CAMK1G: variants seen among roughly 807,000 people sequenced by gnomAD.
CAMK1G encodes calcium/calmodulin dependent protein kinase IG, also known as calcium/calmodulin-dependent protein kinase type 1G.
In CAMK1G, 27 loss-of-function variants were observed where a neutral mutation model predicts 54.8. That is an observed-to-expected ratio of 0.49 (90% CI 0.36 to 0.68). CAMK1G has a LOEUF of 0.68. Ranked by LOEUF, CAMK1G falls within the 30% of genes least tolerant of loss-of-function variation. The pLI is 0.00. For missense variants in CAMK1G, 512 were observed against 591.0 expected (o/e 0.87, Z 1.39); for synonymous variants, 238 against 224.9 (o/e 1.06, Z -0.52).
chr1:209,612,063 C>T lies in CAMK1G; in HGVS notation c.1187C>T (p.Ser396Phe). ...TCCCTCAACTGCCTGGTCAATGGCT[C>T]CCTCCACATCAGCAGCAGCCTGGTG... Reference protein sequence around the residue: ...GRSLNCLVNGSLHISSSLVPM... With the variant: ...GRSLNCLVNGFLHISSSLVPM... Residue 396 changes from serine (S) to phenylalanine (F), a missense_variant, in exon 11 of 13, where the codon TCC becomes TTC. Physicochemically the swap from Ser to Phe is radical, Grantham distance 155. Around this residue, in one of 3 missense-constraint regions of CAMK1G, gnomAD observed 315 missense variants for 330.5 expected, o/e 0.95. Transcript: ENST00000361322. The T allele has an allele frequency of 6.2e-7, 1 of 1,614,266 alleles. No individual in the cohort carries two copies. The highest frequency in any genetic ancestry group is 1.6e-4 in the Middle Eastern group (1 of 6,062).
intron 1 of CAMK1G, among the ~76,000 whole-genome samples, chr1:209,588,733 G>A (rs1482563810): frequency 6.6e-6 from 1 of 152,230 alleles, no homozygotes; most frequent in Non-Finnish European, 1.5e-5. Context: ...TCTCGGGCTA[G>A]TGGTGCTCCC....
chr1:209,595,813 GT>G (rs1328984301), intron 2 of CAMK1G, among the ~76,000 whole-genome samples: 12 of 152,194 alleles, frequency 7.9e-5, no homozygotes, highest in Admixed American at 7.2e-4. Context: ...CCTGCAGGGT[GT>G]CTGAACCTGC....
At chr1:209,609,990 C>G in intron 9 of CAMK1G, 61 bp downstream of exon 9, 2 of 1,317,992 alleles carry the variant, frequency 1.5e-6, no homozygotes, top group Non-Finnish European at 2.2e-6. Context: ...ACCATGCTGA[C>G]TCATTCATAT....
At chr1:209,611,370 C>T (rs1161774108) in intron 9 of CAMK1G, 95 bp from the exon 10 acceptor site, 3 of 1,075,260 alleles carry the variant, frequency 2.8e-6, no homozygotes, top group Non-Finnish European at 4.2e-6. Flanking sequence ...GCACACTCTA[C>T]CCAGCTCTCA....
chr1:209,603,515 T>G (rs1157577914), intron 4 of CAMK1G, among the ~76,000 whole-genome samples: 2 of 152,150 alleles, frequency 1.3e-5, no homozygotes, highest in Admixed American at 1.3e-4. Context: ...TTAAGCTCCT[T>G]TGCACCAGGA....
intron 1 of CAMK1G, among the ~76,000 whole-genome samples, chr1:209,593,021 T>G (rs564670301): frequency 1.3e-5 from 2 of 152,362 alleles, no homozygotes; most frequent in South Asian, 2.1e-4. Flanking sequence ...AAGAAACAAC[T>G]GTTTATCATG....
intron 1 of CAMK1G, among the ~76,000 whole-genome samples, chr1:209,585,696 A>G (rs955609119): frequency 6.6e-6 from 1 of 152,236 alleles, no homozygotes; most frequent in Admixed American, 6.5e-5. Context: ...CTGGAAGTGA[A>G]AAAGCATCCC....
At chr1:209,590,599 A>T (rs1665220952) in intron 1 of CAMK1G, among the ~76,000 whole-genome samples, 1 of 152,228 alleles carries the variant, frequency 6.6e-6, no homozygotes, top group African/African-American at 2.4e-5. Flanking sequence ...AGCCTCCTGG[A>T]GAACAGGCCG....
intron 5 of CAMK1G, 68 bp from the exon 6 acceptor site, chr1:209,606,252 T>C: frequency 6.3e-7 from 1 of 1,577,674 alleles, no homozygotes; most frequent in Non-Finnish European, 8.6e-7. Context: ...TGAAATTTTG[T>C]ATCAAGGGGA....
intron 4 of CAMK1G, 53 bp downstream of exon 4, chr1:209,603,341 G>A (rs538746229): frequency 1.4e-6 from 2 of 1,460,090 alleles, no homozygotes; most frequent in African/African-American, 2.8e-5. Context: ...GGCCTGGGAG[G>A]CCTACAGGAG....
In CAMK1G at chr1:209,609,064, T is replaced by A. The variant is rs772850104; in HGVS notation, c.720T>A (p.Ser240=). 3 of 1,614,144 alleles carry A rather than the reference T, an allele frequency of 1.9e-6. No individual in the cohort carries two copies. The South Asian group carries it at 3.3e-5, about 18-fold the overall frequency. Residue 240 remains serine, a synonymous_variant, in exon 8 of 13, where the codon TCT becomes TCA. Coordinates refer to ENST00000361322, the MANE Select transcript of CAMK1G (RefSeq NM_020439.3). ...KIKEGYYEFE[S]PFWDDISESA... ...AGGAGGGCTACTATGAGTTTGAGTC[T>A]CCATTCTGGGATGACATTTCTGAGT... is the stretch of plus-strand genomic sequence containing the variant.
intron 7 of CAMK1G, among the ~76,000 whole-genome samples, chr1:209,608,437 TCCC>T (rs895033268): frequency 1.8e-4 from 28 of 152,036 alleles, no homozygotes; most frequent in African/African-American, 6.5e-4. Flanking sequence ...CATCACCTCT[TCCC>T]CACCATCCCT....
intron 1 of CAMK1G, among the ~76,000 whole-genome samples, chr1:209,592,864 C>T (rs1665292307): frequency 6.6e-6 from 1 of 152,140 alleles, no homozygotes; most frequent in African/African-American, 2.4e-5. Flanking sequence ...AGAAGAGGTT[C>T]CCTCTATTCC....
chr1:209,606,558 G>T, intron 6 of CAMK1G, 115 bp downstream of exon 6: 16 of 1,155,266 alleles, frequency 1.4e-5, no homozygotes, highest in Non-Finnish European at 2.0e-5. Flanking sequence ...GGGCTATCCT[G>T]GTAGGACATC....
intron 9 of CAMK1G, among the ~76,000 whole-genome samples, 196 bp downstream of exon 9, chr1:209,610,125 G>A (rs535846107): frequency 5.9e-5 from 9 of 152,176 alleles, no homozygotes; most frequent in Non-Finnish European, 1.0e-4. Flanking sequence ...TCTAATGCAA[G>A]GGTAGCAGCT....
chr1:209,585,122 T>C (rs1210159286), intron 1 of CAMK1G, among the ~76,000 whole-genome samples: 1 of 152,168 alleles, frequency 6.6e-6, no homozygotes, highest in African/African-American at 2.4e-5. Context: ...TGCTGCAGAT[T>C]GCTCTGGTGT....
Position 209,611,570 on chromosome 1 carries a change from G to A in CAMK1G, c.915+18G>A. On this transcript the variant is annotated intron_variant, in intron 10 of 12. Coordinates refer to ENST00000361322, the MANE Select transcript of CAMK1G (RefSeq NM_020439.3). ...AGTGGAGGGTAAGCTGTCCTCTCCA[G>A]GGGGTGGGAAAGCTGTTCTGGGCCC... 6.2e-7 allele frequency: 1 copy of A among 1,607,258 alleles called. No homozygotes were observed. The highest frequency in any genetic ancestry group is 8.5e-7 in the Non-Finnish European group (1 of 1,174,040).
chr1:209,596,286 G>T (rs1301021299), intron 2 of CAMK1G, among the ~76,000 whole-genome samples: 1 of 152,204 alleles, frequency 6.6e-6, no homozygotes, highest in African/African-American at 2.4e-5. Flanking sequence ...CAGAGAGGGG[G>T]TTTTGGCAGG....
At chr1:209,606,740 C>A (rs535643051) in intron 6 of CAMK1G, among the ~76,000 whole-genome samples, 3 of 152,252 alleles carry the variant, frequency 2.0e-5, no homozygotes, top group African/African-American at 7.2e-5. Flanking sequence ...CCAGCTGGAC[C>A]AGGGGCAGAC....
Sources: allele counts gnomAD v4.1 joint callset (sites outside exome capture counted in the v4.1 genomes callset), GRCh38; gene constraint gnomAD v4.1.1; regional missense constraint gnomAD v4.1.1; transcripts MANE v1.5; gene names NCBI Gene and HGNC (gene_info 2026-07-23, HGNC 2026-07-21).